MALRD1: variants seen among roughly 807,000 people sequenced by gnomAD.
MALRD1 encodes the protein MAM and LDL-receptor class A domain-containing protein 1.
Under a neutral mutation model 242.1 loss-of-function variants are expected in MALRD1, and 247 were observed. The ratio of observed to expected loss-of-function variants is 1.02; its 90% CI spans 0.92 to 1.13. MALRD1 has a LOEUF of 1.13. Among genes scored for constraint, MALRD1 ranks in the 50% most tolerant of loss-of-function variants. MALRD1 has a pLI of 0.00. For missense variants in MALRD1, 2,989 were observed against 2,533.1 expected (o/e 1.18, Z -3.86); for synonymous variants, 995 against 866.6 (o/e 1.15, Z -2.60).
At position 19,531,306 on chromosome 10, in the gene MALRD1, G is replaced by A. The variant is rs1413829074; in HGVS notation, c.5433G>A (p.Arg1811=). 6.5e-7 allele frequency: 1 copy of A among 1,549,058 alleles called. No homozygotes were observed. The highest frequency in any genetic ancestry group is 1.2e-5 in the South Asian group (1 of 83,874). Residue 1811 remains arginine (R), a synonymous_variant, in exon 32 of 40, where the codon CGG becomes CGA. Coordinates refer to ENST00000454679, the MANE Select transcript of MALRD1 (RefSeq NM_001142308.3). Reference sequence around the variant, plus strand: ...CAAGCCTTGGAATGTGTACTGTTCGGTTCTGGTTCTACATGATTGATCCCA... The same window carrying A: ...CAAGCCTTGGAATGTGTACTGTTCGATTCTGGTTCTACATGATTGATCCCA... ...FPASLGMCTV[R]FWFYMIDPRS...
At chr10:19,320,945 A>G (rs1252222001) in intron 21 of MALRD1, among the ~76,000 whole-genome samples, 4 of 151,448 alleles carry the variant, frequency 2.6e-5, no homozygotes, top group Admixed American at 6.6e-5. Context: ...AAATTTCTGT[A>G]AGTTCCTTGT....
chr10:19,053,423 A>G (rs1322388431), intron 1 of MALRD1, among the ~76,000 whole-genome samples: 1 of 152,116 alleles, frequency 6.6e-6, no homozygotes, highest in East Asian at 1.9e-4. Flanking sequence ...GCTGCTTCTC[A>G]AGATCCTCGG....
chr10:19,455,639 T>G (rs1044522416), intron 29 of MALRD1, among the ~76,000 whole-genome samples: 3 of 152,198 alleles, frequency 2.0e-5, no homozygotes, highest in Non-Finnish European at 4.4e-5. Context: ...CATCTGAATA[T>G]TCACTGGCCA....
intron 36 of MALRD1, among the ~76,000 whole-genome samples, chr10:19,626,311 T>TC (rs1356610834): frequency 1.3e-5 from 2 of 151,482 alleles, no homozygotes; most frequent in Admixed American, 6.6e-5. Context: ...TTTTTTTTTT[T>TC]TTTAAGTCAG....
rs139832335 is a variant in MALRD1, at chr10:19,402,950, A to G, written c.4845+13341A>G. Among the ~76,000 whole-genome samples, 509 of 152,238 alleles carry G rather than the reference A, an allele frequency of 3.3e-3. 4 individuals carry two copies. The highest frequency in any genetic ancestry group is 0.012 in the African/African-American group (492 of 41,562). On this transcript the variant is annotated intron_variant, in intron 28 of 39. Transcript: ENST00000454679. ...ACCTTGAAAGTCAGATGTAGGCACA[A>G]TTTAGTTTTGTGTCCTCCGTAATAA...
chr10:19,583,362 G>T (rs1488027065), intron 33 of MALRD1, among the ~76,000 whole-genome samples: 1 of 150,920 alleles, frequency 6.6e-6, no homozygotes, highest in Non-Finnish European at 1.5e-5. Flanking sequence ...CTGTGGGTTT[G>T]TCGTAGATAG....
At chr10:19,396,266 A>G (rs370348020) in intron 28 of MALRD1, among the ~76,000 whole-genome samples, 12 of 151,018 alleles carry the variant, frequency 7.9e-5, no homozygotes, top group African/African-American at 2.9e-4. Context: ...CCTCCTGGGT[A>G]GCTGGGAACA....
At position 19,204,284 on chromosome 10, in the gene MALRD1, T is replaced by G. The variant is rs748187566; in HGVS notation, c.2105-24T>G. ...GAATCCAATAGGTTAATGAAGCGTT[T>G]TTTTTTTTTTTTTATCTCAACAGGG... On this transcript the variant is annotated intron_variant, in intron 15 of 39. Transcript: ENST00000454679. The G allele has an allele frequency of 7.4e-5, 92 of 1,243,304 alleles. No individual in the cohort carries two copies. In the South Asian group the frequency reaches 1.1e-3, roughly 15 times the overall value. 77.0% of individuals were successfully genotyped at this position (1,243,304 alleles called of 1,614,324 possible). A position where few individuals can be genotyped will look rare whatever the true frequency, so the allele number is the denominator to read the frequency against.
chr10:19,206,967 A>T (rs1028781885), intron 17 of MALRD1, among the ~76,000 whole-genome samples: 1 of 152,140 alleles, frequency 6.6e-6, no homozygotes, highest in Non-Finnish European at 1.5e-5. Flanking sequence ...ACAAGTGAGG[A>T]AATATCAAAA....
intron 14 of MALRD1, among the ~76,000 whole-genome samples, chr10:19,194,510 T>C (rs542634878): frequency 6.6e-6 from 1 of 152,144 alleles, no homozygotes; most frequent in African/African-American, 2.4e-5. Flanking sequence ...ATAATGACAC[T>C]GTCAGTCTAT....
intron 33 of MALRD1, among the ~76,000 whole-genome samples, chr10:19,572,754 AAC>A (rs1836624632): frequency 2.6e-5 from 4 of 152,290 alleles, no homozygotes; most frequent in Admixed American, 6.5e-5. Flanking sequence ...AAGAGGAGAA[AAC>A]ACACAGAGAG....
At chr10:19,323,909 C>A in intron 21 of MALRD1, 40 bp from the exon 22 acceptor site, 1 of 1,541,438 alleles carries the variant, frequency 6.5e-7, no homozygotes, top group Middle Eastern at 1.7e-4. Context: ...CCGTGCCCGG[C>A]CTCTTATTCC....
At chr10:19,571,066 GT>G (rs1452676149) in intron 33 of MALRD1, among the ~76,000 whole-genome samples, 1 of 152,026 alleles carries the variant, frequency 6.6e-6, no homozygotes, top group East Asian at 1.9e-4. Context: ...TGAGTCTTGT[GT>G]TTTTCCAATA....
chr10:19,122,557 A>G (rs1363271761), intron 5 of MALRD1, among the ~76,000 whole-genome samples: 1 of 152,102 alleles, frequency 6.6e-6, no homozygotes, highest in East Asian at 1.9e-4. Context: ...TCTGTAGGTG[A>G]TTGTAACAAG....
intron 18 of MALRD1, among the ~76,000 whole-genome samples, chr10:19,247,960 G>C (rs1368101813): frequency 2.6e-5 from 4 of 151,978 alleles, no homozygotes; most frequent in Non-Finnish European, 5.9e-5. Flanking sequence ...AGTATTTGTA[G>C]ACAGAAAAAG....
intron 29 of MALRD1, among the ~76,000 whole-genome samples, chr10:19,469,721 G>A (rs1836401934): frequency 6.6e-6 from 1 of 151,774 alleles, no homozygotes. Flanking sequence ...CATGCCAAAA[G>A]TAAGTTACAT....
chr10:19,563,912 T>C (rs1177443967), intron 32 of MALRD1, among the ~76,000 whole-genome samples: 2 of 152,112 alleles, frequency 1.3e-5, no homozygotes, highest in Non-Finnish European at 1.5e-5. Context: ...AAAATCTGGT[T>C]GTTGTAAAGT....
In MALRD1 at chr10:19,323,933, T is replaced by C. The variant is rs1325260949; in HGVS notation, c.3420-16T>C. ...GCCTCTTATTCCTTTTATAATATGA[T>C]AAATTCCTTTTCCAGAAATACCACT... is the stretch of plus-strand genomic sequence containing the variant. On this transcript the variant is annotated splice_polypyrimidine_tract_variant and intron_variant, in intron 21 of 39. Coordinates refer to ENST00000454679, the MANE Select transcript of MALRD1 (RefSeq NM_001142308.3). 1 of 1,550,128 alleles carries C rather than the reference T, an allele frequency of 6.5e-7. No homozygotes were observed. The highest frequency in any genetic ancestry group is 8.7e-7 in the Non-Finnish European group (1 of 1,146,468).
At chr10:19,300,187 GAATT>G (rs903583483) in intron 21 of MALRD1, among the ~76,000 whole-genome samples, 1 of 151,794 alleles carries the variant, frequency 6.6e-6, no homozygotes, top group Non-Finnish European at 1.5e-5. Context: ...TTTATAACAA[GAATT>G]ACGAAACACT....
Sources: allele counts gnomAD v4.1 joint callset (sites outside exome capture counted in the v4.1 genomes callset), GRCh38; gene constraint gnomAD v4.1.1; transcripts MANE v1.5; gene names NCBI Gene and HGNC (gene_info 2026-07-23, HGNC 2026-07-21).